Variants in COMMD7 observed in about 807,000 individuals in gnomAD.
COMMD7 encodes COMM domain containing 7.
Under a neutral mutation model 34.8 loss-of-function variants are expected in COMMD7, and 28 were observed. The ratio of observed to expected loss-of-function variants is 0.80; its 90% confidence interval spans 0.60 to 1.10. COMMD7 has a LOEUF of 1.10. Ranked by LOEUF, COMMD7 falls within the 50% of genes least tolerant of loss-of-function variation. COMMD7 has a pLI of 0.00. For missense variants in COMMD7, 211 were observed against 241.6 expected, an observed-to-expected ratio of 0.87 and a Z score of 0.84; for synonymous variants, 80 against 86.4, an observed-to-expected ratio of 0.93 and a Z score of 0.41.
At chr20:32,729,450 G>T (rs1985711869) in intron 1 of COMMD7, among the ~76,000 whole-genome samples, 1 of 151,752 alleles carries the variant, frequency 6.6e-6, no homozygotes, top group Non-Finnish European at 1.5e-5. Context: ...TTATAGGTAT[G>T]ACCCACCGTG....
At chr20:32,721,533 T>A (rs1985156391) in intron 3 of COMMD7, among the ~76,000 whole-genome samples, 1 of 151,176 alleles carries the variant, frequency 6.6e-6, no homozygotes, top group Non-Finnish European at 1.5e-5. Flanking sequence ...TCACTTGGGG[T>A]CAAAAGTTCA....
rs1568768503 is a variant in COMMD7, at chr20:32,703,177, CAG to C, written c.*203_*204del. On this transcript the variant is annotated 3_prime_UTR_variant, in exon 9 of 9. Transcript: ENST00000278980. ...AGACAGGTGGTGGTGGTTGCCCTAA[CAG>C]AGAGTTTACAGGGTAATTGTGTTGG... 2 of 432,258 alleles carry C rather than the reference CAG, an allele frequency of 4.6e-6. No homozygotes were observed. The highest frequency in any genetic ancestry group is 4.1e-6 in the Non-Finnish European group (1 of 244,318). The allele number at this position is 432,258 out of a possible 1,614,324, so 26.8% of individuals were successfully genotyped here. A position where few individuals can be genotyped will look rare whatever the true frequency, so the allele number is the denominator to read the frequency against.
chr20:32,736,498 G>A (rs925242428), intron 1 of COMMD7, among the ~76,000 whole-genome samples: 18 of 151,628 alleles, frequency 1.2e-4, no homozygotes, highest in South Asian at 2.1e-4. Flanking sequence ...GTGAAACCCC[G>A]TCTCTACTAA....
At chr20:32,709,246 C>T (rs1950375396) in intron 3 of COMMD7, among the ~76,000 whole-genome samples, 2 of 151,892 alleles carry the variant, frequency 1.3e-5, no homozygotes, top group Non-Finnish European at 2.9e-5. Context: ...ACCAGCCTGG[C>T]CAACGTGGCA....
intron 3 of COMMD7, among the ~76,000 whole-genome samples, chr20:32,710,998 C>T (rs1438113314): frequency 2.6e-5 from 4 of 152,158 alleles, no homozygotes; most frequent in Non-Finnish European, 5.9e-5. Flanking sequence ...AGGAGGATCG[C>T]TTGAGCCCAG....
At chr20:32,719,453 A>G (rs1221326471) in intron 3 of COMMD7, among the ~76,000 whole-genome samples, 1 of 152,160 alleles carries the variant, frequency 6.6e-6, no homozygotes, top group Non-Finnish European at 1.5e-5. Context: ...GTTCGAGACC[A>G]GCCTGGCCAA....
intron 3 of COMMD7, among the ~76,000 whole-genome samples, chr20:32,717,601 CA>C (rs1984874870): frequency 6.6e-6 from 1 of 152,068 alleles, no homozygotes; most frequent in African/African-American, 2.4e-5. Flanking sequence ...GCTGGGATTA[CA>C]GGCGTGAGCC....
chr20:32,707,676 G>T (rs1479977230), intron 3 of COMMD7, among the ~76,000 whole-genome samples: 1 of 151,102 alleles, frequency 6.6e-6, no homozygotes, highest in Non-Finnish European at 1.5e-5. Context: ...ACCAGTGTGA[G>T]AGAAGTCAGA....
At chr20:32,712,037 C>G (rs113780433) in intron 3 of COMMD7, among the ~76,000 whole-genome samples, 1 of 151,192 alleles carries the variant, frequency 6.6e-6, no homozygotes, top group Non-Finnish European at 1.5e-5. Flanking sequence ...TTTGGGAGTC[C>G]GAGGTGGGCA....
At chr20:32,727,553 A>C (rs886468880) in intron 3 of COMMD7, among the ~76,000 whole-genome samples, 5 of 150,694 alleles carry the variant, frequency 3.3e-5, no homozygotes, top group Non-Finnish European at 7.4e-5. Flanking sequence ...AAAAAAAAAA[A>C]GTATTAGATT....
At chr20:32,718,846 G>C (rs748115467) in intron 3 of COMMD7, among the ~76,000 whole-genome samples, 5 of 151,894 alleles carry the variant, frequency 3.3e-5, no homozygotes, top group Admixed American at 1.3e-4. Context: ...GGTTAAGCAA[G>C]TTTCTTTACT....
At chr20:32,704,617 G>T in intron 6 of COMMD7, 128 bp from the exon 7 acceptor site, 1 of 1,008,440 alleles carries the variant, frequency 9.9e-7, no homozygotes, top group Non-Finnish European at 1.5e-6. Flanking sequence ...TATGAGGGCA[G>T]CAAGGTGTGC....
Position 32,703,291 on chromosome 20 carries a change from A to C in COMMD7, c.*91T>G. ...CCAGCAGGGCCCCATGGAGCATCCC[A>C]CAGGCCTGTGAGTGAAGTGCCTCTC... On this transcript the variant is annotated 3_prime_UTR_variant, in exon 9 of 9. Transcript: ENST00000278980. 2.6e-6 allele frequency: 3 copies of C among 1,163,066 alleles called. No homozygotes were observed. The highest frequency in any genetic ancestry group is 2.5e-6 in the Non-Finnish European group (2 of 798,296). The allele number at this position is 1,163,066 out of a possible 1,614,324, so 72.0% of individuals were successfully genotyped here.
intron 3 of COMMD7, among the ~76,000 whole-genome samples, chr20:32,718,920 G>C (rs1984982961): frequency 6.6e-6 from 1 of 152,110 alleles, no homozygotes; most frequent in South Asian, 2.1e-4. Flanking sequence ...TCCAAGGCTG[G>C]GGTTGCGGGG....
At chr20:32,718,176 G>A (rs1343705420) in intron 3 of COMMD7, among the ~76,000 whole-genome samples, 12 of 151,830 alleles carry the variant, frequency 7.9e-5, no homozygotes, top group African/African-American at 2.9e-4. Flanking sequence ...AGGCTGAGGC[G>A]GGCAGATCAC....
intron 6 of COMMD7, among the ~76,000 whole-genome samples, 161 bp downstream of exon 6, chr20:32,704,653 C>T (rs1983955594): frequency 6.6e-6 from 1 of 152,094 alleles, no homozygotes; most frequent in Non-Finnish European, 1.5e-5. Flanking sequence ...TTATCCAGAG[C>T]CATGAAACAG....
chr20:32,741,157 A>C (rs964755068), intron 1 of COMMD7, among the ~76,000 whole-genome samples: 31 of 119,680 alleles, frequency 2.6e-4, no homozygotes, highest in African/African-American at 9.7e-4. Flanking sequence ...AAACAAACAA[A>C]CAAAAAAAAA....
chr20:32,713,687 T>C (rs1984603030), intron 3 of COMMD7, among the ~76,000 whole-genome samples: 1 of 152,186 alleles, frequency 6.6e-6, no homozygotes, highest in Non-Finnish European at 1.5e-5. Context: ...AGCACTGCCA[T>C]GTGCCTGCAC....
In COMMD7 at chr20:32,703,666, G is replaced by A. The variant is rs1392966725; in HGVS notation, c.527-208C>T. 6.3e-6 allele frequency: 9 copies of A among 1,435,938 alleles called. No individual in the cohort carries two copies. In the South Asian group the frequency reaches 1.1e-4, roughly 17 times the overall value. 88.9% of individuals were successfully genotyped at this position (1,435,938 alleles called of 1,614,324 possible). ...CAAAGGAAAAAAAAGGGGAGTGAGTGTTCAAATGGCACAGCTCCATGGCAC... is the reference window on the plus strand; with the variant it reads ...CAAAGGAAAAAAAAGGGGAGTGAGTATTCAAATGGCACAGCTCCATGGCAC... On this transcript the variant is annotated intron_variant, in intron 8 of 8. Coordinates refer to ENST00000278980, the MANE Select transcript of COMMD7 (RefSeq NM_053041.3).
Sources: gnomAD v4.1 joint callset for allele counts (sites outside exome capture counted in the v4.1 genomes callset) on GRCh38, gnomAD v4.1.1 for gene constraint, MANE v1.5 for transcripts, NCBI Gene and HGNC (gene_info 2026-07-23, HGNC 2026-07-21) for gene names.